Variants in PTGES3 observed in about 807,000 individuals in gnomAD.
The protein encoded by PTGES3 is Hsp90 co-chaperone.
A neutral mutation model predicts 29.9 loss-of-function variants in PTGES3; 5 were observed. That is an observed-to-expected ratio of 0.17 (90% CI 0.09 to 0.35). The LOEUF (loss-of-function observed/expected upper bound fraction) is 0.35, where lower values mean the gene tolerates loss of function less well. Ranked by LOEUF, PTGES3 falls within the 10% of genes least tolerant of loss-of-function variation. The pLI is 1.00. For missense variants in PTGES3, 128 were observed against 190.0 expected (o/e 0.67, Z 1.92); for synonymous variants, 49 against 57.8 (o/e 0.85, Z 0.69).
intron 1 of PTGES3, among the ~76,000 whole-genome samples, chr12:56,675,738 A>G (rs1172068381): frequency 1.3e-5 from 2 of 152,014 alleles, no homozygotes; most frequent in African/African-American, 4.8e-5. Context: ...CCTGGCAAAC[A>G]TTATGAAACC....
At chr12:56,685,387 ATT>A (rs907373187) in intron 1 of PTGES3, among the ~76,000 whole-genome samples, 1 of 126,586 alleles carries the variant, frequency 7.9e-6, no homozygotes, top group Non-Finnish European at 1.6e-5. Flanking sequence ...TGAAGGTAGC[ATT>A]TTTTCTTTTC....
In PTGES3 at chr12:56,688,192, C is replaced by A. The variant is rs1952979416; in HGVS notation, c.-193G>T. ...CCCAGAATGCACCGCGCGGAAAGAG[C>A]GGCTCCTCCGGTCGGGGAGAAGAGG... On this transcript the variant is annotated 5_prime_UTR_variant, in exon 1 of 8. Coordinates refer to ENST00000262033, the MANE Select transcript of PTGES3 (RefSeq NM_006601.7). 8.1e-6 allele frequency: 8 copies of A among 993,424 alleles called. No homozygotes were observed. Among genetic ancestry groups the A allele is most frequent in the Non-Finnish European group, 1.1e-5 (8 of 732,218 alleles). 61.5% of individuals were successfully genotyped at this position (993,424 alleles called of 1,614,324 possible).
At chr12:56,681,537 CAAAAA>C (rs34581651) in intron 1 of PTGES3, among the ~76,000 whole-genome samples, 2 of 25,684 alleles carry the variant, frequency 7.8e-5, no homozygotes, top group African/African-American at 2.2e-4. Flanking sequence ...GACTCCATCT[CAAAAA>C]AAAAAAAAAA....
chr12:56,682,128 T>G (rs1215149191), intron 1 of PTGES3, among the ~76,000 whole-genome samples: 1 of 152,072 alleles, frequency 6.6e-6, no homozygotes, highest in Admixed American at 6.6e-5. Context: ...ATTACATGTG[T>G]GAGCCACCGT....
chr12:56,687,060 G>T (rs952555802), intron 1 of PTGES3: 1 of 401,860 alleles, frequency 2.5e-6, no homozygotes, highest in Non-Finnish European at 4.2e-6. Context: ...CCCACTGTAC[G>T]CGGCAGTGCC....
At position 56,667,910 on chromosome 12, in the gene PTGES3, C is replaced by G. The variant is rs186033382; in HGVS notation, c.376-1644G>C. On this transcript the variant is annotated intron_variant, in intron 5 of 7. Coordinates refer to ENST00000262033, the MANE Select transcript of PTGES3 (RefSeq NM_006601.7). ...ATCACCTGAGGTCAGGAGTTCGAGG[C>G]TAGCCTGCCCAACATGGTGAAACCC... 2.6e-5 allele frequency among the ~76,000 whole-genome samples: 4 copies of G among 152,298 alleles called. No individual in the cohort carries two copies. In the East Asian group the frequency reaches 7.7e-4, roughly 29 times the overall value.
chr12:56,687,686 T>C (rs1393721153), intron 1 of PTGES3: 2 of 1,289,814 alleles, frequency 1.6e-6, no homozygotes, highest in South Asian at 2.0e-5. Flanking sequence ...GGCGAGCAGC[T>C]ACCGGGAGCT....
rs996310926 is a variant in PTGES3, at chr12:56,664,380, A to G, written c.*99T>C. ...GGGTTAAAGTAGGCAAATACAGCAT[A>G]TCTGCCTTTAGAGCTATCAACTCAG... On this transcript the variant is annotated 3_prime_UTR_variant, in exon 8 of 8. Transcript: ENST00000262033. 19 of 1,385,004 alleles carry G rather than the reference A, an allele frequency of 1.4e-5. No homozygotes were observed. In the Admixed American group the frequency reaches 3.1e-4, roughly 23 times the overall value. 85.8% of individuals were successfully genotyped at this position (1,385,004 alleles called of 1,614,324 possible). A position where few individuals can be genotyped will look rare whatever the true frequency, so the allele number is the denominator to read the frequency against.
At chr12:56,684,674 C>A (rs1437339107) in intron 1 of PTGES3, among the ~76,000 whole-genome samples, 1 of 152,106 alleles carries the variant, frequency 6.6e-6, no homozygotes, top group Non-Finnish European at 1.5e-5. Context: ...TATTTTTAAT[C>A]GGTCGAACGA....
At chr12:56,677,582 T>A (rs1952315821) in intron 1 of PTGES3, among the ~76,000 whole-genome samples, 1 of 152,168 alleles carries the variant, frequency 6.6e-6, no homozygotes, top group Admixed American at 6.6e-5. Flanking sequence ...CAATGGAATG[T>A]GTATGGCTTT....
At chr12:56,676,349 G>C (rs1195861734) in intron 1 of PTGES3, among the ~76,000 whole-genome samples, 8 of 151,610 alleles carry the variant, frequency 5.3e-5, no homozygotes, top group Admixed American at 5.3e-4. Context: ...TTATTGCAAA[G>C]TAACTAACCA....
intron 5 of PTGES3, among the ~76,000 whole-genome samples, chr12:56,669,288 G>A (rs1951906238): frequency 6.6e-6 from 1 of 152,128 alleles, no homozygotes. Flanking sequence ...CACCTCCCGG[G>A]TTCAAGTGAT....
intron 6 of PTGES3, 101 bp downstream of exon 6, chr12:56,666,103 T>G: frequency 7.2e-6 from 10 of 1,384,476 alleles, no homozygotes; most frequent in Non-Finnish European, 9.5e-6. Flanking sequence ...TTTTAGAAAA[T>G]AAGAAGTAAT....
chr12:56,668,784 A>C (rs1951879379), intron 5 of PTGES3, among the ~76,000 whole-genome samples: 1 of 152,206 alleles, frequency 6.6e-6, no homozygotes, highest in Admixed American at 6.5e-5. Context: ...AAAATTTCAA[A>C]TAGCAACAAG....
Position 56,663,888 on chromosome 12 carries a change from AC to A in PTGES3, c.*590del, listed in dbSNP as rs2137566003. ...AATACCAATTGTATAGGCTTCAAAA[AC>A]CATCTAAGTTAGGGCATTCTCTAGT... On this transcript the variant is annotated 3_prime_UTR_variant, in exon 8 of 8. Transcript: ENST00000262033. 6.5e-6 allele frequency: 1 copy of A among 152,996 alleles called. No homozygotes were observed. The highest frequency in any genetic ancestry group is 6.5e-5 in the Admixed American group (1 of 15,278). The allele number at this position is 152,996 out of a possible 1,614,324, so 9.5% of individuals were successfully genotyped here.
At chr12:56,676,376 G>C (rs1952248770) in intron 1 of PTGES3, among the ~76,000 whole-genome samples, 1 of 151,988 alleles carries the variant, frequency 6.6e-6, no homozygotes, top group Non-Finnish European at 1.5e-5. Flanking sequence ...TGTACTTCCA[G>C]TTTGTTTTAT....
chr12:56,678,437 A>G (rs1255109770), intron 1 of PTGES3, among the ~76,000 whole-genome samples: 2 of 152,138 alleles, frequency 1.3e-5, no homozygotes, highest in Non-Finnish European at 2.9e-5. Context: ...TCAGCCTCCC[A>G]AAGTGCTGGA....
At chr12:56,678,592 A>T (rs772819253) in intron 1 of PTGES3, among the ~76,000 whole-genome samples, 1 of 152,176 alleles carries the variant, frequency 6.6e-6, no homozygotes, top group Non-Finnish European at 1.5e-5. Context: ...TTGGTGCATC[A>T]ATTTTTTATA....
Position 56,688,232 on chromosome 12 carries a change from G to T in PTGES3, c.-233C>A. 1 of 682,708 alleles carries T rather than the reference G, an allele frequency of 1.5e-6. No homozygotes were observed. Among genetic ancestry groups the T allele is most frequent in the Non-Finnish European group, 2.2e-6 (1 of 457,198 alleles). 42.3% of individuals were successfully genotyped at this position (682,708 alleles called of 1,614,324 possible). A position where few individuals can be genotyped will look rare whatever the true frequency, so the allele number is the denominator to read the frequency against. Reference sequence around the variant, plus strand: ...GGGAGAAGAGGAAAGTGTAGGAAAAGGGGCGCGAGGACGGAGAATGAACGT... The same window carrying T: ...GGGAGAAGAGGAAAGTGTAGGAAAATGGGCGCGAGGACGGAGAATGAACGT... On this transcript the variant is annotated 5_prime_UTR_variant, in exon 1 of 8. Coordinates refer to ENST00000262033, the MANE Select transcript of PTGES3 (RefSeq NM_006601.7).
Sources: gnomAD v4.1 joint callset for allele counts (sites outside exome capture counted in the v4.1 genomes callset) on GRCh38, gnomAD v4.1.1 for gene constraint, MANE v1.5 for transcripts, NCBI Gene and HGNC (gene_info 2026-07-23, HGNC 2026-07-21) for gene names.